The following SWT1 variants were observed in gnomAD, a reference collection of about 807,000 sequenced individuals.
SWT1 encodes transcriptional protein SWT1.
SWT1 carries 33 observed loss-of-function variants against 107.3 expected under a neutral mutation model. The observed-to-expected ratio is 0.31, with a 90% CI of 0.23 to 0.41. The LOEUF (loss-of-function observed/expected upper bound fraction) is 0.41. SWT1 is among the 10% of genes least tolerant of loss of function. The pLI, the probability that SWT1 is intolerant of heterozygous loss-of-function variation, is 1.00. For missense variants in SWT1, 898 were observed against 1,028.9 expected (o/e 0.87, Z 1.74); for synonymous variants, 345 against 348.3 (o/e 0.99, Z 0.11).
At chr1:185,173,435 T>G (rs980676182) in intron 4 of SWT1, among the ~76,000 whole-genome samples, 1 of 151,574 alleles carries the variant, frequency 6.6e-6, no homozygotes, top group Non-Finnish European at 1.5e-5. Flanking sequence ...GGCTCATGCC[T>G]GTAGCCTCAG....
chr1:185,248,885 T>TTTATCTAGC (rs1661802563), intron 16 of SWT1, among the ~76,000 whole-genome samples: 2 of 152,156 alleles, frequency 1.3e-5, no homozygotes, highest in Admixed American at 1.3e-4. Flanking sequence ...TAGCTGATGG[T>TTTATCTAGC]TGATTTCCCT....
chr1:185,202,177 T>C (rs929293848), intron 10 of SWT1, among the ~76,000 whole-genome samples: 1 of 152,196 alleles, frequency 6.6e-6, no homozygotes, highest in Non-Finnish European at 1.5e-5. Flanking sequence ...TCTAATCATA[T>C]TGGCTTCTTT....
chr1:185,251,324 G>T (rs1388206421), intron 16 of SWT1: 1 of 152,828 alleles, frequency 6.5e-6, no homozygotes, highest in Non-Finnish European at 1.5e-5. Flanking sequence ...GCTGGTCTGA[G>T]TGCAGTGGTG....
intron 5 of SWT1, among the ~76,000 whole-genome samples, chr1:185,177,743 T>A (rs1334782639): frequency 2.6e-5 from 4 of 152,208 alleles, no homozygotes; most frequent in Admixed American, 6.5e-5. Context: ...ATAACTCTTT[T>A]GTTTCTTAGG....
At chr1:185,186,306 A>G (rs1281786760) in intron 9 of SWT1, among the ~76,000 whole-genome samples, 1 of 152,196 alleles carries the variant, frequency 6.6e-6, no homozygotes, top group Non-Finnish European at 1.5e-5. Context: ...CCCACTAGGA[A>G]GATTCACAGC....
intron 16 of SWT1, among the ~76,000 whole-genome samples, chr1:185,240,179 A>G (rs1342588254): frequency 2.6e-5 from 4 of 152,096 alleles, no homozygotes; most frequent in African/African-American, 9.6e-5. Context: ...TAACTTGCTT[A>G]GGTTTTATGT....
chr1:185,251,979 A>G (rs979930030), intron 16 of SWT1, among the ~76,000 whole-genome samples: 3 of 150,650 alleles, frequency 2.0e-5, no homozygotes, highest in African/African-American at 7.3e-5. Context: ...AGAGTGTGAT[A>G]TTCCCCTTCC....
chr1:185,173,769 C>T (rs1257888520), intron 4 of SWT1, among the ~76,000 whole-genome samples: 1 of 150,972 alleles, frequency 6.6e-6, no homozygotes. Context: ...GTAATCCCAG[C>T]ACCTTGGGAG....
intron 16 of SWT1, among the ~76,000 whole-genome samples, chr1:185,244,610 G>T (rs964960883): frequency 2.6e-5 from 4 of 152,142 alleles, no homozygotes; most frequent in Admixed American, 2.6e-4. Flanking sequence ...TGAATGTGAA[G>T]GCCCTGGATA....
chr1:185,164,140 A>G (rs890073383), intron 2 of SWT1, among the ~76,000 whole-genome samples: 5 of 151,968 alleles, frequency 3.3e-5, no homozygotes, highest in Non-Finnish European at 7.4e-5. Context: ...GACCAGGTGC[A>G]TTACCAGTGA....
At position 185,193,061 on chromosome 1, in the gene SWT1, A is replaced by T. The variant is rs181489066; in HGVS notation, c.1523+2419A>T. Among the ~76,000 whole-genome samples, 5 of 152,304 alleles carry T rather than the reference A, an allele frequency of 3.3e-5. No homozygotes were observed. In the East Asian group the frequency reaches 9.6e-4, roughly 29 times the overall value. On this transcript the variant is annotated intron_variant, in intron 10 of 18. Coordinates refer to ENST00000367500, the MANE Select transcript of SWT1 (RefSeq NM_017673.7). The stretch of plus-strand genomic sequence containing the variant: ...GTCCTCTAAGCACTTCTGCAGTTGT[A>T]TCCCACAAATTTTAATATGTTGTGT...
At chr1:185,194,248 C>G (rs1407993081) in intron 10 of SWT1, among the ~76,000 whole-genome samples, 1 of 152,056 alleles carries the variant, frequency 6.6e-6, no homozygotes, top group Non-Finnish European at 1.5e-5. Flanking sequence ...CAATTTCTGT[C>G]TTTTAACTGT....
At chr1:185,246,875 C>T (rs762912654) in intron 16 of SWT1, among the ~76,000 whole-genome samples, 6 of 152,138 alleles carry the variant, frequency 3.9e-5, no homozygotes, top group Admixed American at 2.6e-4. Flanking sequence ...GTGATCTTCC[C>T]ACCTCAGCTT....
intron 9 of SWT1, among the ~76,000 whole-genome samples, chr1:185,188,461 T>C (rs1558024920): frequency 6.6e-6 from 1 of 152,204 alleles, no homozygotes; most frequent in African/African-American, 2.4e-5. Context: ...GGAAATTGAC[T>C]ACTGTGATAT....
chr1:185,274,787 T>C (rs1334698414), intron 17 of SWT1, among the ~76,000 whole-genome samples: 2 of 152,224 alleles, frequency 1.3e-5, no homozygotes, highest in African/African-American at 4.8e-5. Flanking sequence ...AATTGTTCAT[T>C]TAAGCATGGA....
At position 185,159,457 on chromosome 1, in the gene SWT1, C is replaced by T. The variant is rs139957779; in HGVS notation, c.-9-1376C>T. Among the ~76,000 whole-genome samples the T allele has an allele frequency of 1.5e-3, 223 of 152,164 alleles. 1 individual carries two copies. The highest frequency in any genetic ancestry group is 5.1e-3 in the African/African-American group (213 of 41,486). ...CCACAGCAGGGCTGGAAAAGTGAGA[C>T]GGGGATGGGAGGTGGACAGAGGAAC... is the stretch of plus-strand genomic sequence containing the variant. On this transcript the variant is annotated intron_variant, in intron 1 of 18. Transcript: ENST00000367500.
At chr1:185,233,402 A>G (rs1660630656) in intron 16 of SWT1, among the ~76,000 whole-genome samples, 1 of 152,032 alleles carries the variant, frequency 6.6e-6, no homozygotes, top group Admixed American at 6.5e-5. Flanking sequence ...TAGAGTGTCA[A>G]TTTTAGATCT....
intron 18 of SWT1, among the ~76,000 whole-genome samples, chr1:185,282,211 C>G (rs1008214149): frequency 1.2e-4 from 18 of 152,164 alleles, no homozygotes; most frequent in African/African-American, 2.4e-5. Flanking sequence ...TGCATGAATT[C>G]CACCCATTCT....
chr1:185,236,804 C>G (rs935740092), intron 16 of SWT1, among the ~76,000 whole-genome samples: 1 of 152,068 alleles, frequency 6.6e-6, no homozygotes, highest in African/African-American at 2.4e-5. Context: ...AAAATTTTTG[C>G]AATCTATCCA....
Sources: gnomAD v4.1 joint callset for allele counts (sites outside exome capture counted in the v4.1 genomes callset) on GRCh38, gnomAD v4.1.1 for gene constraint, MANE v1.5 for transcripts, NCBI Gene and HGNC (gene_info 2026-07-23, HGNC 2026-07-21) for gene names.